The following NALF1 variants were observed in gnomAD, a reference collection of about 807,000 sequenced individuals.
NALF1 encodes family with sequence similarity 155 member A.
NALF1 carries 3 observed loss-of-function variants against 48.4 expected under a neutral mutation model. The ratio of observed to expected loss-of-function variants is 0.06; its 90% CI spans 0.03 to 0.16. The LOEUF is 0.16. Among genes scored for constraint, NALF1 ranks in the 10% least tolerant of loss-of-function variants. The pLI, the probability that NALF1 is intolerant of heterozygous loss-of-function variation, is 1.00. For missense variants in NALF1, 526 were observed against 571.5 expected, an observed-to-expected ratio of 0.92 and a Z score of 0.81; for synonymous variants, 262 against 245.7, an observed-to-expected ratio of 1.07 and a Z score of -0.62.
At chr13:107,618,645 T>G (rs1451865199) in intron 1 of NALF1, among the ~76,000 whole-genome samples, 3 of 151,934 alleles carry the variant, frequency 2.0e-5, no homozygotes, top group African/African-American at 7.3e-5. Flanking sequence ...GAGATGCAAT[T>G]TGGAGGATTT....
chr13:107,609,858 A>G (rs1594158764), intron 1 of NALF1, among the ~76,000 whole-genome samples: 1 of 152,238 alleles, frequency 6.6e-6, no homozygotes, highest in African/African-American at 2.4e-5. Context: ...ATCTATATTT[A>G]CATGAATTAA....
chr13:107,744,151 C>G (rs1566465354), intron 1 of NALF1, among the ~76,000 whole-genome samples: 1 of 152,150 alleles, frequency 6.6e-6, no homozygotes, highest in Non-Finnish European at 1.5e-5. Flanking sequence ...GTACAGCAGA[C>G]AGAGAGACCT....
intron 1 of NALF1, among the ~76,000 whole-genome samples, chr13:107,736,978 C>T (rs148535310): frequency 6.6e-6 from 1 of 152,314 alleles, no homozygotes; most frequent in Non-Finnish European, 1.5e-5. Context: ...TGGAGCAGTG[C>T]TGCCTTTCTA....
intron 1 of NALF1, among the ~76,000 whole-genome samples, chr13:107,598,329 C>T (rs1453472213): frequency 3.7e-4 from 57 of 152,130 alleles, no homozygotes; most frequent in Non-Finnish European, 1.5e-5. Context: ...TCTTAATACA[C>T]GAGTAGCTCA....
chr13:107,777,967 T>C (rs1877785450), intron 1 of NALF1, among the ~76,000 whole-genome samples: 1 of 152,250 alleles, frequency 6.6e-6, no homozygotes, highest in African/African-American at 2.4e-5. Context: ...ACATTGTTTT[T>C]ACTTTCTATC....
chr13:107,684,177 C>T (rs555983683), intron 1 of NALF1, among the ~76,000 whole-genome samples: 11 of 152,278 alleles, frequency 7.2e-5, no homozygotes, highest in Middle Eastern at 3.4e-3. Flanking sequence ...CTCCAGCACC[C>T]GCAGGAAGAT....
chr13:107,496,082 T>A (rs1365720663), intron 1 of NALF1, among the ~76,000 whole-genome samples: 1 of 152,154 alleles, frequency 6.6e-6, no homozygotes, highest in African/African-American at 2.4e-5. Context: ...TTACCAGAAA[T>A]GGGCAAACAA....
chr13:107,287,705 T>TA (rs1881524500), intron 1 of NALF1, among the ~76,000 whole-genome samples: 1 of 96,628 alleles, frequency 1.0e-5, no homozygotes, highest in Admixed American at 1.3e-4. Flanking sequence ...TTCTTTTCTT[T>TA]CTTTTTTTTT....
chr13:107,713,746 T>C (rs945176548), intron 1 of NALF1, among the ~76,000 whole-genome samples: 1 of 152,228 alleles, frequency 6.6e-6, no homozygotes, highest in Non-Finnish European at 1.5e-5. Context: ...ATATGTGCTA[T>C]ATATTTATCA....
chr13:107,351,178 C>T (rs943991584), intron 1 of NALF1, among the ~76,000 whole-genome samples: 2 of 152,106 alleles, frequency 1.3e-5, no homozygotes, highest in Non-Finnish European at 2.9e-5. Flanking sequence ...ATGCAATACG[C>T]GTCTCTGATT....
chr13:107,684,977 C>A lies in NALF1; in HGVS notation c.915+180705G>T, dbSNP rs143343974. Reference sequence around the variant, plus strand: ...ACTCCTGTGAGTCTGGGGACCAGGTCATCTACCGTAGTTACTGGTGACCGT... The same window carrying A: ...ACTCCTGTGAGTCTGGGGACCAGGTAATCTACCGTAGTTACTGGTGACCGT... On this transcript the variant is annotated intron_variant, in intron 1 of 2. Coordinates refer to ENST00000375915, the MANE Select transcript of NALF1 (RefSeq NM_001080396.3). 2.2e-3 allele frequency among the ~76,000 whole-genome samples: 331 copies of A among 152,282 alleles called. 9 individuals carry two copies. The highest frequency in any genetic ancestry group is 0.015 in the Admixed American group (236 of 15,300).
chr13:107,332,816 C>T (rs1335966051), intron 1 of NALF1, among the ~76,000 whole-genome samples: 3 of 151,970 alleles, frequency 2.0e-5, no homozygotes, highest in Non-Finnish European at 4.4e-5. Flanking sequence ...CCCATCAGTA[C>T]ATTCTTTTTT....
intron 1 of NALF1, among the ~76,000 whole-genome samples, chr13:107,219,884 A>C (rs1424193759): frequency 6.6e-6 from 1 of 152,236 alleles, no homozygotes; most frequent in Non-Finnish European, 1.5e-5. Context: ...AATGTGACAT[A>C]ATAAACTATA....
At chr13:107,668,893 A>T (rs118108677) in intron 1 of NALF1, among the ~76,000 whole-genome samples, 1,741 of 152,238 alleles carry the variant, frequency 0.011, 12 homozygotes, top group Non-Finnish European at 0.019. Context: ...CAGACAGCCC[A>T]TAAATATTGT....
At chr13:107,706,961 CG>C (rs1189796772) in intron 1 of NALF1, among the ~76,000 whole-genome samples, 3 of 105,116 alleles carry the variant, frequency 2.9e-5, no homozygotes, top group African/African-American at 7.7e-5. Context: ...CTCGCTCTGT[CG>C]CCCAGGCTGG....
At chr13:107,267,963 T>G (rs1881075777) in intron 1 of NALF1, among the ~76,000 whole-genome samples, 1 of 149,554 alleles carries the variant, frequency 6.7e-6, no homozygotes, top group Non-Finnish European at 1.5e-5. Flanking sequence ...TTAAAACACA[T>G]GAATTGTTTT....
At chr13:107,237,289 A>C in intron 1 of NALF1, among the ~76,000 whole-genome samples, 1 of 152,180 alleles carries the variant, frequency 6.6e-6, no homozygotes, top group East Asian at 1.9e-4. Context: ...TCTAAAACAT[A>C]TATTTAGAAT....
At chr13:107,295,023 G>C (rs562735552) in intron 1 of NALF1, among the ~76,000 whole-genome samples, 2 of 152,064 alleles carry the variant, frequency 1.3e-5, no homozygotes, top group African/African-American at 4.8e-5. Flanking sequence ...GATTCAGGGG[G>C]TGCATGTGCA....
chr13:107,531,596 T>C (rs1876642477), intron 1 of NALF1, among the ~76,000 whole-genome samples: 1 of 152,104 alleles, frequency 6.6e-6, no homozygotes, highest in East Asian at 1.9e-4. Context: ...ATCAATATTA[T>C]CTTATTAATT....
Sources: gnomAD v4.1 joint callset for allele counts (sites outside exome capture counted in the v4.1 genomes callset) on GRCh38, gnomAD v4.1.1 for gene constraint, MANE v1.5 for transcripts, NCBI Gene and HGNC (gene_info 2026-07-23, HGNC 2026-07-21) for gene names.